The following CTNND2 variants were observed in gnomAD, a reference collection of about 807,000 sequenced individuals.
The protein encoded by CTNND2 is catenin delta 2, also known as catenin delta-2.
In CTNND2, 22 loss-of-function variants were observed where a neutral mutation model predicts 144.4. That is an observed-to-expected ratio of 0.15 (90% CI 0.11 to 0.22). CTNND2 has a LOEUF of 0.22. Ranked by LOEUF, CTNND2 falls within the 10% of genes least tolerant of loss-of-function variation. The pLI, the probability that CTNND2 is intolerant of heterozygous loss-of-function variation, is 1.00. For missense variants in CTNND2, 1,353 were observed against 1,618.8 expected, an observed-to-expected ratio of 0.84 and a Z score of 2.82; for synonymous variants, 751 against 695.6, an observed-to-expected ratio of 1.08 and a Z score of -1.25.
intron 16 of CTNND2, among the ~76,000 whole-genome samples, chr5:11,077,486 A>C (rs978055600): frequency 2.6e-5 from 4 of 152,222 alleles, no homozygotes; most frequent in Non-Finnish European, 4.4e-5. Context: ...AGAGCATGTA[A>C]TATAGGAATC....
chr5:11,604,685 C>T lies in CTNND2; in HGVS notation c.175-39629G>A, dbSNP rs1561612270. Among the ~76,000 whole-genome samples the T allele has an allele frequency of 2.0e-5, 3 of 152,224 alleles. 1 individual carries two copies. The East Asian group carries it at 5.8e-4, about 29-fold the overall frequency. Reference sequence around the variant, plus strand: ...TAATTCTCACCTTCCCCAGATGATTCTAAGGCTCTGATATTACCTGGACTC... The same window carrying T: ...TAATTCTCACCTTCCCCAGATGATTTTAAGGCTCTGATATTACCTGGACTC... On this transcript the variant is annotated intron_variant, in intron 2 of 21. Transcript: ENST00000304623.
At chr5:11,660,436 T>A (rs1054457230) in intron 2 of CTNND2, among the ~76,000 whole-genome samples, 1 of 152,142 alleles carries the variant, frequency 6.6e-6, no homozygotes, top group African/African-American at 2.4e-5. Flanking sequence ...CATTTTGACT[T>A]TGAGGCTGGT....
chr5:11,279,416 T>G (rs540833490), intron 9 of CTNND2, among the ~76,000 whole-genome samples: 1 of 152,122 alleles, frequency 6.6e-6, no homozygotes, highest in African/African-American at 2.4e-5. Flanking sequence ...TACTTCTCAT[T>G]CTCATCCCTG....
chr5:11,394,066 T>C (rs966034150), intron 6 of CTNND2, among the ~76,000 whole-genome samples: 2 of 152,098 alleles, frequency 1.3e-5, no homozygotes, highest in Non-Finnish European at 2.9e-5. Context: ...CTTCCTCTTC[T>C]CCATGTCTTT....
At chr5:11,159,352 A>G (rs1223717256) in intron 12 of CTNND2, among the ~76,000 whole-genome samples, 1 of 152,250 alleles carries the variant, frequency 6.6e-6, no homozygotes, top group Non-Finnish European at 1.5e-5. Context: ...CTAAGAAATC[A>G]TGTGAAGTAA....
chr5:11,223,199 G>C (rs538000046), intron 10 of CTNND2, among the ~76,000 whole-genome samples: 1 of 152,122 alleles, frequency 6.6e-6, no homozygotes, highest in Admixed American at 6.5e-5. Flanking sequence ...GCAGGAACAC[G>C]TCTAAATCCC....
At chr5:11,107,155 T>C (rs41531348) in intron 14 of CTNND2, among the ~76,000 whole-genome samples, 2,054 of 152,336 alleles carry the variant, frequency 0.013, 45 homozygotes, top group African/African-American at 0.047. Context: ...GTTGTAACTA[T>C]GAATCTCTCT....
At chr5:11,473,487 C>T (rs762679971) in intron 3 of CTNND2, among the ~76,000 whole-genome samples, 4 of 152,138 alleles carry the variant, frequency 2.6e-5, no homozygotes, top group African/African-American at 7.2e-5. Context: ...AATTTAGATG[C>T]GGCAGCATCA....
intron 14 of CTNND2, among the ~76,000 whole-genome samples, chr5:11,104,044 G>T (rs1451595627): frequency 6.6e-6 from 1 of 152,192 alleles, no homozygotes; most frequent in African/African-American, 2.4e-5. Context: ...AATCAAGTTT[G>T]TGTGCAGAAA....
chr5:11,508,072 C>A (rs1376140376), intron 3 of CTNND2, among the ~76,000 whole-genome samples: 1 of 151,580 alleles, frequency 6.6e-6, no homozygotes. Flanking sequence ...GTCCTAAGGT[C>A]TGGGATTTTA....
Position 11,507,368 on chromosome 5 carries a change from C to A in CTNND2, c.287+57576G>T, listed in dbSNP as rs1013996517. On this transcript the variant is annotated intron_variant, in intron 3 of 21. Transcript: ENST00000304623. ...GATGGTCTTGTTTAAGCTATACAAT[C>A]AAGAGCATACTTTGTAGAGATAAGG... is the stretch of plus-strand genomic sequence containing the variant. Among the ~76,000 whole-genome samples the A allele has an allele frequency of 4.6e-5, 7 of 152,268 alleles. 1 individual carries two copies. The East Asian group carries it at 7.7e-4, about 17-fold the overall frequency.
chr5:11,723,459 C>A (rs1216925024), intron 2 of CTNND2, among the ~76,000 whole-genome samples: 1 of 152,116 alleles, frequency 6.6e-6, no homozygotes, highest in Non-Finnish European at 1.5e-5. Context: ...AATGGAAGAT[C>A]TAGACCCAAT....
chr5:11,454,643 C>T (rs1161377334), intron 3 of CTNND2, among the ~76,000 whole-genome samples: 1 of 151,254 alleles, frequency 6.6e-6, no homozygotes, highest in Non-Finnish European at 1.5e-5. Context: ...GTTGCCCAGG[C>T]TGCAGTGCAG....
chr5:11,333,760 G>A (rs1439249623), intron 9 of CTNND2, among the ~76,000 whole-genome samples: 1 of 152,152 alleles, frequency 6.6e-6, no homozygotes, highest in Non-Finnish European at 1.5e-5. Context: ...TGCTTGAAAG[G>A]GTTTGCTCAC....
intron 2 of CTNND2, among the ~76,000 whole-genome samples, chr5:11,713,989 C>A (rs1039899227): frequency 6.6e-6 from 1 of 152,144 alleles, no homozygotes; most frequent in Non-Finnish European, 1.5e-5. Flanking sequence ...CTAACAAGAC[C>A]GTAGCCTCGA....
At chr5:11,801,441 T>G (rs1791676397) in intron 1 of CTNND2, among the ~76,000 whole-genome samples, 3 of 152,200 alleles carry the variant, frequency 2.0e-5, no homozygotes, top group Admixed American at 2.0e-4. Context: ...CAATTGCAAA[T>G]GAACTAATTT....
At chr5:11,392,677 G>A (rs1019382586) in intron 6 of CTNND2, among the ~76,000 whole-genome samples, 1 of 152,158 alleles carries the variant, frequency 6.6e-6, no homozygotes, top group Non-Finnish European at 1.5e-5. Flanking sequence ...TCACAACAGA[G>A]AGTCATCCTA....
At chr5:11,466,815 G>C (rs1225478098) in intron 3 of CTNND2, among the ~76,000 whole-genome samples, 1 of 152,114 alleles carries the variant, frequency 6.6e-6, no homozygotes, top group Non-Finnish European at 1.5e-5. Flanking sequence ...CACCAAATCA[G>C]TTCCTTTTGA....
intron 1 of CTNND2, among the ~76,000 whole-genome samples, chr5:11,744,391 G>C (rs1044178384): frequency 6.6e-6 from 1 of 152,148 alleles, no homozygotes; most frequent in Non-Finnish European, 1.5e-5. Context: ...TCTCAGGGCA[G>C]AACTGACAGA....
Sources: gnomAD v4.1 joint callset for allele counts (sites outside exome capture counted in the v4.1 genomes callset) on GRCh38, gnomAD v4.1.1 for gene constraint, MANE v1.5 for transcripts, NCBI Gene and HGNC (gene_info 2026-07-23, HGNC 2026-07-21) for gene names.